MBNL2: variants seen among roughly 807,000 people sequenced by gnomAD.
MBNL2 encodes muscleblind like splicing regulator 2.
Under a neutral mutation model 41.9 loss-of-function variants are expected in MBNL2, and 17 were observed. The ratio of observed to expected loss-of-function variants is 0.41; its 90% CI spans 0.28 to 0.61. The LOEUF (loss-of-function observed/expected upper bound fraction) is 0.61, where lower values mean the gene tolerates loss of function less well. MBNL2 is among the 20% of genes least tolerant of loss of function. MBNL2 has a pLI of 0.35. For missense variants in MBNL2, 336 were observed against 505.6 expected (o/e 0.66, Z 3.22); for synonymous variants, 195 against 182.9 (o/e 1.07, Z -0.53).
At chr13:97,304,813 T>C (rs1422781960) in intron 2 of MBNL2, among the ~76,000 whole-genome samples, 1 of 152,244 alleles carries the variant, frequency 6.6e-6, no homozygotes, top group African/African-American at 2.4e-5. Flanking sequence ...ATAAACAAAA[T>C]GCATTATTGC....
intron 2 of MBNL2, among the ~76,000 whole-genome samples, chr13:97,297,288 G>C (rs1347534807): frequency 6.6e-6 from 1 of 152,126 alleles, no homozygotes; most frequent in African/African-American, 2.4e-5. Context: ...CCTTCAAATT[G>C]CTGATAGTCA....
At chr13:97,364,604 A>G (rs1425505742) in intron 7 of MBNL2, among the ~76,000 whole-genome samples, 1 of 152,218 alleles carries the variant, frequency 6.6e-6, no homozygotes, top group Non-Finnish European at 1.5e-5. Flanking sequence ...TTGGTGACAC[A>G]AAACATTTAC....
chr13:97,247,119 C>T (rs1425808153), intron 1 of MBNL2, among the ~76,000 whole-genome samples: 1 of 152,162 alleles, frequency 6.6e-6, no homozygotes, highest in Admixed American at 6.5e-5. Flanking sequence ...ATTCACCATA[C>T]ACAATTCTAT....
intron 5 of MBNL2, among the ~76,000 whole-genome samples, chr13:97,347,956 G>A (rs775472183): frequency 1.8e-4 from 28 of 152,134 alleles, no homozygotes; most frequent in Non-Finnish European, 2.6e-4. Flanking sequence ...CCTAGACATT[G>A]CTTATCAAAC....
At chr13:97,145,082 A>G in the MBNL2 span, among the ~76,000 whole-genome samples, 4 of 152,204 alleles carry the variant, frequency 2.6e-5, no homozygotes, top group African/African-American at 9.7e-5. Flanking sequence ...TAGAAGCTTC[A>G]GGAAAGAACG....
At chr13:97,234,314 G>A (rs553020992) in intron 1 of MBNL2, among the ~76,000 whole-genome samples, 1 of 152,238 alleles carries the variant, frequency 6.6e-6, no homozygotes, top group East Asian at 1.9e-4. Context: ...CCTCTGACAG[G>A]ACCAGTATGG....
rs2066402403 is a variant in MBNL2, at chr13:97,392,095, A to C, written c.*646A>C. 2 of 152,640 alleles carry C rather than the reference A, an allele frequency of 1.3e-5. No individual in the cohort carries two copies. Among genetic ancestry groups the C allele is most frequent in the African/African-American group, 4.8e-5 (2 of 41,470 alleles). The allele number at this position is 152,640 out of a possible 1,614,324, so 9.5% of individuals were successfully genotyped here. The stretch of plus-strand genomic sequence containing the variant: ...AAAGTCTTGAAGGTATTATTTTACA[A>C]GTATATTTTTAAAGTTGTTTTATAA... On this transcript the variant is annotated 3_prime_UTR_variant, in exon 9 of 9. Transcript: ENST00000679496.
At chr13:97,266,487 G>A (rs2049830749) in intron 1 of MBNL2, among the ~76,000 whole-genome samples, 1 of 152,170 alleles carries the variant, frequency 6.6e-6, no homozygotes, top group South Asian at 2.1e-4. Flanking sequence ...TGATTACAGG[G>A]CAGTCTTACA....
chr13:97,361,084 A>G (rs1054506383), intron 7 of MBNL2, among the ~76,000 whole-genome samples: 5 of 152,216 alleles, frequency 3.3e-5, no homozygotes, highest in African/African-American at 1.2e-4. Flanking sequence ...ATGAGAATAC[A>G]AAAGAGTTCA....
chr13:97,170,431 G>A, the MBNL2 span, among the ~76,000 whole-genome samples: 1 of 152,200 alleles, frequency 6.6e-6, no homozygotes, highest in Non-Finnish European at 1.5e-5. Context: ...GCTGTAGAGA[G>A]AGTTTAATTG....
chr13:97,367,316 T>A (rs2063927875), intron 8 of MBNL2, among the ~76,000 whole-genome samples: 1 of 152,140 alleles, frequency 6.6e-6, no homozygotes, highest in Non-Finnish European at 1.5e-5. Context: ...AAACATGTGC[T>A]CCTAGCCACA....
intron 2 of MBNL2, among the ~76,000 whole-genome samples, chr13:97,325,662 C>T (rs926970071): frequency 1.3e-5 from 2 of 152,130 alleles, no homozygotes; most frequent in Admixed American, 6.5e-5. Context: ...CCCAGGAGGT[C>T]GAGACTGCAG....
chr13:97,160,195 GC>G, the MBNL2 span, among the ~76,000 whole-genome samples: 7 of 152,174 alleles, frequency 4.6e-5, no homozygotes, highest in Admixed American at 2.6e-4. Flanking sequence ...CGGTGAAAGA[GC>G]CTTCTGCAAC....
intron 7 of MBNL2, among the ~76,000 whole-genome samples, chr13:97,360,101 T>A (rs2063284337): frequency 6.6e-6 from 1 of 152,246 alleles, no homozygotes; most frequent in Admixed American, 6.5e-5. Context: ...ATAATTATTA[T>A]AACTTGGTAC....
chr13:97,390,504 TTAA>T (rs1566458522), intron 8 of MBNL2, among the ~76,000 whole-genome samples: 1 of 152,210 alleles, frequency 6.6e-6, no homozygotes, highest in East Asian at 1.9e-4. Flanking sequence ...TTAGAAAAGA[TTAA>T]ATAGTTTTGT....
chr13:97,381,031 A>G (rs1190433297), intron 8 of MBNL2, among the ~76,000 whole-genome samples: 1 of 151,762 alleles, frequency 6.6e-6, no homozygotes, highest in East Asian at 1.9e-4. Flanking sequence ...TTGCACCTAG[A>G]TTTTACACAC....
At chr13:97,288,423 A>T (rs2055107628) in intron 2 of MBNL2, among the ~76,000 whole-genome samples, 1 of 152,218 alleles carries the variant, frequency 6.6e-6, no homozygotes, top group African/African-American at 2.4e-5. Context: ...CAAATAAGCT[A>T]ATATCCATTT....
chr13:97,241,172 T>G (rs2044206228), intron 1 of MBNL2, among the ~76,000 whole-genome samples: 1 of 152,238 alleles, frequency 6.6e-6, no homozygotes, highest in African/African-American at 2.4e-5. Context: ...CCTTCCTTCC[T>G]GGATGTGCTG....
intron 1 of MBNL2, among the ~76,000 whole-genome samples, chr13:97,246,106 G>A (rs1196800887): frequency 6.6e-6 from 1 of 152,198 alleles, no homozygotes; most frequent in East Asian, 1.9e-4. Flanking sequence ...ATTGGAACTA[G>A]CCTCCAAAGT....
Sources: gnomAD v4.1 joint callset for allele counts (sites outside exome capture counted in the v4.1 genomes callset) on GRCh38, gnomAD v4.1.1 for gene constraint, MANE v1.5 for transcripts, NCBI Gene and HGNC (gene_info 2026-07-23, HGNC 2026-07-21) for gene names.